Variants in NCAM2 observed in about 807,000 individuals in gnomAD.
NCAM2 encodes the protein neural cell adhesion molecule 2.
A neutral mutation model predicts 98.1 loss-of-function variants in NCAM2; 30 were observed. The observed-to-expected ratio is 0.31, with a 90% CI of 0.23 to 0.41. The LOEUF is 0.41. NCAM2 is among the 10% of genes least tolerant of loss of function. NCAM2 has a pLI of 1.00. For missense variants in NCAM2, 867 were observed against 1,005.8 expected (o/e 0.86, Z 1.87); for synonymous variants, 368 against 342.4 (o/e 1.07, Z -0.83).
intron 15 of NCAM2, among the ~76,000 whole-genome samples, chr21:21,491,228 G>T (rs1051733348): frequency 2.6e-5 from 4 of 151,670 alleles, no homozygotes; most frequent in Non-Finnish European, 4.4e-5. Context: ...ACTTGTTCTA[G>T]TGTCTTCATA....
rs767677922 is a variant in NCAM2 at position 21,286,399 on chromosome 21, C to T, written c.468C>T (p.Thr156=). Residue 156 remains threonine, a synonymous_variant, in exon 4 of 18, where the codon ACC becomes ACT. Transcript: ENST00000400546. ...GGTTGTATCATAATGAGGAAGTCAC[C>T]ACTATTTCCGACAGTTAGTATTTTG... is the stretch of plus-strand genomic sequence containing the variant. ...VSWLYHNEEV[T]TISDNRFAML... is the part of the protein sequence containing the mutation. The T allele has an allele frequency of 6.2e-6, 10 of 1,611,924 alleles. No individual in the cohort carries two copies. The South Asian group carries it at 9.9e-5, about 16-fold the overall frequency.
At chr21:21,134,213 T>G (rs2066995058) in intron 1 of NCAM2, among the ~76,000 whole-genome samples, 1 of 152,124 alleles carries the variant, frequency 6.6e-6, no homozygotes, top group South Asian at 2.1e-4. Context: ...GGATTACAAG[T>G]GCACGCCACC....
chr21:21,066,795 A>G (rs187120852), intron 1 of NCAM2, among the ~76,000 whole-genome samples: 1 of 152,194 alleles, frequency 6.6e-6, no homozygotes, highest in East Asian at 1.9e-4. Flanking sequence ...ACAGGTGTTT[A>G]ATGTACCCAA....
At chr21:21,353,975 T>G (rs2075405988) in intron 8 of NCAM2, among the ~76,000 whole-genome samples, 1 of 152,190 alleles carries the variant, frequency 6.6e-6, no homozygotes, top group Admixed American at 6.5e-5. Flanking sequence ...CTATGTTACT[T>G]GTCAATTTTA....
intron 1 of NCAM2, among the ~76,000 whole-genome samples, chr21:21,112,463 G>C (rs2066472886): frequency 6.6e-6 from 1 of 152,078 alleles, no homozygotes; most frequent in Non-Finnish European, 1.5e-5. Flanking sequence ...AACAGTGTTG[G>C]CTTTCTATTT....
chr21:21,320,198 C>T (rs2826793), intron 5 of NCAM2, among the ~76,000 whole-genome samples: 63,833 of 152,006 alleles, frequency 0.42, 14,683 homozygotes, highest in Non-Finnish European at 0.53. Flanking sequence ...CATAGAAATG[C>T]TCTATTGATT....
At chr21:21,259,841 A>G (rs749952638) in intron 1 of NCAM2, among the ~76,000 whole-genome samples, 34 of 151,888 alleles carry the variant, frequency 2.2e-4, no homozygotes, top group Admixed American at 5.3e-4. Flanking sequence ...AAACAACCAT[A>G]CACAACATAA....
At chr21:21,265,091 A>T (rs368914568) in intron 1 of NCAM2, among the ~76,000 whole-genome samples, 1 of 66,866 alleles carries the variant, frequency 1.5e-5, no homozygotes, top group Non-Finnish European at 2.7e-5. Flanking sequence ...CACATATATT[A>T]TATATACATA....
intron 1 of NCAM2, among the ~76,000 whole-genome samples, chr21:21,119,321 T>G (rs2066624991): frequency 6.6e-6 from 1 of 152,210 alleles, no homozygotes; most frequent in Non-Finnish European, 1.5e-5. Context: ...GTTTCTTAAA[T>G]TAGCCGACTA....
At chr21:21,037,004 G>A (rs920819638) in intron 1 of NCAM2, among the ~76,000 whole-genome samples, 3 of 152,102 alleles carry the variant, frequency 2.0e-5, no homozygotes, top group Non-Finnish European at 4.4e-5. Flanking sequence ...CCACTAAATA[G>A]CAATAGATGT....
At chr21:21,438,601 A>C (rs1329484610) in intron 12 of NCAM2, among the ~76,000 whole-genome samples, 1 of 152,204 alleles carries the variant, frequency 6.6e-6, no homozygotes, top group Non-Finnish European at 1.5e-5. Flanking sequence ...TTGAGTGAGA[A>C]ACATGTATCA....
chr21:21,289,643 T>A (rs1339129799), intron 4 of NCAM2, among the ~76,000 whole-genome samples: 1 of 151,984 alleles, frequency 6.6e-6, no homozygotes, highest in Non-Finnish European at 1.5e-5. Context: ...GCAACTTAGA[T>A]ACTTTTACAA....
chr21:21,536,294 A>C (rs1021347558), intron 17 of NCAM2, among the ~76,000 whole-genome samples: 5 of 152,088 alleles, frequency 3.3e-5, no homozygotes, highest in Non-Finnish European at 7.4e-5. Flanking sequence ...TATAAAATAA[A>C]TTACAAATAA....
At chr21:21,302,676 G>A (rs2073756536) in intron 5 of NCAM2, among the ~76,000 whole-genome samples, 1 of 152,128 alleles carries the variant, frequency 6.6e-6, no homozygotes, top group Non-Finnish European at 1.5e-5. Flanking sequence ...TTCAGCCACT[G>A]TGGAAAGCAG....
At chr21:21,334,332 G>A (rs1021204346) in intron 6 of NCAM2, among the ~76,000 whole-genome samples, 1 of 152,036 alleles carries the variant, frequency 6.6e-6, no homozygotes, top group East Asian at 1.9e-4. Context: ...ATGAGAAACT[G>A]GAACAATAAA....
intron 5 of NCAM2, among the ~76,000 whole-genome samples, chr21:21,297,830 C>T (rs574733176): frequency 6.6e-6 from 1 of 151,618 alleles, no homozygotes; most frequent in African/African-American, 2.4e-5. Flanking sequence ...GTTCTTCTAA[C>T]GTATAGTGAT....
At chr21:21,108,142 C>T (rs1264633782) in intron 1 of NCAM2, among the ~76,000 whole-genome samples, 1 of 151,924 alleles carries the variant, frequency 6.6e-6, no homozygotes, top group Non-Finnish European at 1.5e-5. Context: ...TATTATGTCA[C>T]CAAAGTCTTT....
intron 14 of NCAM2, among the ~76,000 whole-genome samples, chr21:21,470,010 T>A (rs1010904242): frequency 6.6e-5 from 10 of 151,982 alleles, no homozygotes; most frequent in African/African-American, 1.9e-4. Context: ...GATGAAAAAA[T>A]TTATTGTACA....
At chr21:21,525,022 G>A (rs1440990403) in intron 16 of NCAM2, among the ~76,000 whole-genome samples, 2 of 152,018 alleles carry the variant, frequency 1.3e-5, no homozygotes, top group African/African-American at 4.8e-5. Context: ...AATGTTTAGA[G>A]GGAAATTTCC....
Sources: gnomAD v4.1 joint callset for allele counts (sites outside exome capture counted in the v4.1 genomes callset) on GRCh38, gnomAD v4.1.1 for gene constraint, MANE v1.5 for transcripts, NCBI Gene and HGNC (gene_info 2026-07-23, HGNC 2026-07-21) for gene names.